MICAL3: variants seen among roughly 807,000 people sequenced by gnomAD.
The protein encoded by MICAL3 is microtubule associated monooxygenase, calponin and LIM domain containing 3, also known as [F-actin]-monooxygenase MICAL3.
MICAL3 carries 62 observed loss-of-function variants against 207.4 expected under a neutral mutation model. The ratio of observed to expected loss-of-function variants is 0.30; its 90% confidence interval spans 0.24 to 0.37. The LOEUF (loss-of-function observed/expected upper bound fraction) is 0.37. Ranked by LOEUF, MICAL3 falls within the 10% of genes least tolerant of loss-of-function variation. The pLI is 1.00. For missense variants in MICAL3, 2,368 were observed against 2,635.6 expected (o/e 0.90, Z 2.22); for synonymous variants, 1,077 against 1,069.3 (o/e 1.01, Z -0.14).
intron 1 of MICAL3, among the ~76,000 whole-genome samples, chr22:18,011,179 T>G: frequency 6.6e-6 from 1 of 152,160 alleles, no homozygotes; most frequent in East Asian, 1.9e-4. Context: ...ATGCCATCAT[T>G]GACAAGTAGG....
At chr22:17,858,267 G>A (rs909616848) in intron 19 of MICAL3, among the ~76,000 whole-genome samples, 5 of 152,334 alleles carry the variant, frequency 3.3e-5, no homozygotes, top group East Asian at 1.9e-4. Flanking sequence ...AATTCCGGGC[G>A]GTGGTGAGAG....
intron 29 of MICAL3, among the ~76,000 whole-genome samples, chr22:17,799,550 G>A (rs1005824476): frequency 2.6e-5 from 4 of 152,248 alleles, no homozygotes; most frequent in African/African-American, 7.2e-5. Flanking sequence ...AAGGCACTCG[G>A]CTATTCTGAG....
At chr22:18,004,239 C>T (rs1923227206) in intron 1 of MICAL3, 1 of 152,134 alleles carries the variant, frequency 6.6e-6, no homozygotes, top group Admixed American at 6.6e-5. Flanking sequence ...TGTCCATGCT[C>T]TCTGCCCCAA....
rs1162596363 is a variant in MICAL3 at position 17,972,945 on chromosome 22, C to T, written c.-75+51336G>A. ...CCTACAATGCCCACCCAGACCTGCCCTCAGGCCCCTGCACGTCAGGCATGT... is the reference window on the plus strand; with the variant it reads ...CCTACAATGCCCACCCAGACCTGCCTTCAGGCCCCTGCACGTCAGGCATGT... On this transcript the variant is annotated intron_variant, in intron 1 of 31. Coordinates refer to ENST00000441493, the MANE Select transcript of MICAL3 (RefSeq NM_015241.3). Among the ~76,000 whole-genome samples the T allele has an allele frequency of 3.3e-5, 5 of 152,366 alleles. No homozygotes were observed. In the South Asian group the frequency reaches 8.3e-4, roughly 25 times the overall value.
At chr22:17,822,768 G>A (rs1055576086) in intron 23 of MICAL3, among the ~76,000 whole-genome samples, 179 bp downstream of exon 23, 1 of 152,220 alleles carries the variant, frequency 6.6e-6, no homozygotes, top group African/African-American at 2.4e-5. Flanking sequence ...AGGCCAAGTC[G>A]CCTGGTGCTC....
intron 16 of MICAL3, among the ~76,000 whole-genome samples, chr22:17,883,246 A>G (rs557163782): frequency 6.6e-6 from 1 of 152,360 alleles, no homozygotes; most frequent in East Asian, 1.9e-4. Context: ...GCACAGAGAA[A>G]GAATGAATTC....
At chr22:17,810,054 ATTTTTTT>A (rs758573402) in intron 28 of MICAL3, among the ~76,000 whole-genome samples, 47 of 97,062 alleles carry the variant, frequency 4.8e-4, no homozygotes, top group African/African-American at 1.8e-3. Context: ...ATGCCTGGCT[ATTTTTTT>A]TTTTTTTTTT....
chr22:17,864,555 G>A (rs1926852985), intron 19 of MICAL3: 1 of 1,447,576 alleles, frequency 6.9e-7, no homozygotes, highest in East Asian at 2.5e-5. Context: ...GCGAGCTCCT[G>A]TCTACCTACA....
At chr22:17,806,123 A>G (rs1357052971) in intron 29 of MICAL3, among the ~76,000 whole-genome samples, 3 of 152,214 alleles carry the variant, frequency 2.0e-5, no homozygotes, top group African/African-American at 7.2e-5. Flanking sequence ...AGCCCTCAGG[A>G]TCAAGTTTCC....
At chr22:17,971,397 C>A (rs898205924) in intron 1 of MICAL3, among the ~76,000 whole-genome samples, 1 of 152,038 alleles carries the variant, frequency 6.6e-6, no homozygotes, top group East Asian at 1.9e-4. Context: ...GCAGGAGAAT[C>A]GCTTGAACCC....
intron 1 of MICAL3, among the ~76,000 whole-genome samples, chr22:17,932,810 A>G (rs9605435): frequency 0.12 from 18,118 of 152,116 alleles, 1,531 homozygotes; most frequent in East Asian, 0.42. Flanking sequence ...AAAAAAGCAG[A>G]GGTTGCAATC....
In MICAL3 at chr22:17,818,553, T is replaced by C; in HGVS notation, c.4108A>G (p.Lys1370Glu). Reference protein sequence around the residue: ...PVSLKSYSVEKSPQDEGLHLL... With the variant: ...PVSLKSYSVEESPQDEGLHLL... The stretch of plus-strand genomic sequence containing the variant: ...TGGAGTCCCTCATCCTGGGGGGACT[T>C]TTCAACGGAATAGGATTTGAGGGAC... Residue 1370 changes from lysine to glutamate, a missense_variant, in exon 26 of 32, where the codon AAG becomes GAG. Physicochemically the swap from Lys to Glu is moderately conservative, Grantham distance 56 (BLOSUM62 1). Coordinates refer to ENST00000441493, the MANE Select transcript of MICAL3 (RefSeq NM_015241.3). The C allele has an allele frequency of 6.2e-7, 1 of 1,613,540 alleles. No homozygotes were observed. Among genetic ancestry groups the C allele is most frequent in the South Asian group, 1.1e-5 (1 of 91,070 alleles).
intron 19 of MICAL3, among the ~76,000 whole-genome samples, chr22:17,859,297 G>C (rs1569098420): frequency 1.3e-5 from 2 of 152,216 alleles, no homozygotes; most frequent in Non-Finnish European, 2.9e-5. Flanking sequence ...GCTTCAGGGG[G>C]ACGGAGGCCA....
chr22:17,908,167 G>A (rs117911040), intron 1 of MICAL3, among the ~76,000 whole-genome samples: 5,397 of 152,234 alleles, frequency 0.035, 271 homozygotes, highest in East Asian at 0.19. Flanking sequence ...GTGACAAGAC[G>A]AGTGTGACCA....
At chr22:17,826,909 C>T (rs1276024618) in intron 22 of MICAL3, among the ~76,000 whole-genome samples, 1 of 152,178 alleles carries the variant, frequency 6.6e-6, no homozygotes, top group African/African-American at 2.4e-5. Flanking sequence ...GCAGGAAATG[C>T]CCCTTTTGTA....
At chr22:18,013,998 T>C (rs970705834) in intron 1 of MICAL3, among the ~76,000 whole-genome samples, 1 of 151,968 alleles carries the variant, frequency 6.6e-6, no homozygotes, top group Admixed American at 6.6e-5. Context: ...GGTCTTACCA[T>C]GTTGCCCAGG....
intron 16 of MICAL3, among the ~76,000 whole-genome samples, chr22:17,880,818 G>A (rs1040703671): frequency 4.6e-5 from 7 of 152,188 alleles, no homozygotes; most frequent in Non-Finnish European, 7.3e-5. Context: ...GAAGCCCTGC[G>A]GCAGTGCCCG....
intron 19 of MICAL3, among the ~76,000 whole-genome samples, chr22:17,851,930 AGAG>A (rs1209565726): frequency 6.6e-6 from 1 of 152,212 alleles, no homozygotes; most frequent in South Asian, 2.1e-4. Context: ...GGTGAAGGGC[AGAG>A]GAGGACATGG....
At chr22:17,809,497 G>C (rs566565560) in intron 28 of MICAL3, among the ~76,000 whole-genome samples, 23 of 152,326 alleles carry the variant, frequency 1.5e-4, no homozygotes, top group African/African-American at 4.8e-4. Flanking sequence ...AGCTGGATGT[G>C]GTGGCACAGG....
Sources: allele counts gnomAD v4.1 joint callset (sites outside exome capture counted in the v4.1 genomes callset), GRCh38; gene constraint gnomAD v4.1.1; transcripts MANE v1.5; gene names NCBI Gene and HGNC (gene_info 2026-07-23, HGNC 2026-07-21).